ABAT: variants seen among roughly 807,000 people sequenced by gnomAD.
ABAT encodes the protein 4-aminobutyrate aminotransferase, mitochondrial.
A neutral mutation model predicts 64.6 loss-of-function variants in ABAT; 45 were observed. The observed-to-expected ratio is 0.70, with a 90% confidence interval of 0.55 to 0.89. The LOEUF (loss-of-function observed/expected upper bound fraction) is 0.89, where lower values mean the gene tolerates loss of function less well. Among genes scored for constraint, ABAT ranks in the 40% least tolerant of loss-of-function variants. The pLI, the probability that ABAT is intolerant of heterozygous loss-of-function variation, is 0.00. For missense variants in ABAT, 633 were observed against 658.4 expected, an observed-to-expected ratio of 0.96 and a Z score of 0.42; for synonymous variants, 297 against 250.5, an observed-to-expected ratio of 1.19 and a Z score of -1.75.
intron 13 of ABAT, among the ~76,000 whole-genome samples, 195 bp downstream of exon 13, chr16:8,775,252 C>T (rs922652993): frequency 1.2e-4 from 17 of 142,010 alleles, no homozygotes; most frequent in African/African-American, 4.4e-4. Context: ...AACTCTGGAA[C>T]AGTCCACCAT....
intron 6 of ABAT, among the ~76,000 whole-genome samples, chr16:8,763,185 T>C (rs1293769469): frequency 6.6e-6 from 1 of 151,190 alleles, no homozygotes; most frequent in Admixed American, 6.6e-5. Flanking sequence ...GGGCAGAGGC[T>C]ACCTGGAGTA....
chr16:8,674,707 T>A lies in ABAT; in HGVS notation c.-46T>A, dbSNP rs1413214148. The stretch of plus-strand genomic sequence containing the variant: ...GATCCCGCAGATCGGAGACGGGGCC[T>A]GGAGGTGAGCGCGAGGCGCCGGGTG... On this transcript the variant is annotated 5_prime_UTR_variant, in exon 1 of 16. Transcript: ENST00000268251. 1 of 152,320 alleles carries A rather than the reference T, an allele frequency of 6.6e-6. No individual in the cohort carries two copies. The highest frequency in any genetic ancestry group is 1.5e-5 in the Non-Finnish European group (1 of 68,142). The allele number at this position is 152,320 out of a possible 1,614,324, so 9.4% of individuals were successfully genotyped here. A position where few individuals can be genotyped will look rare whatever the true frequency, so the allele number is the denominator to read the frequency against.
chr16:8,738,483 C>T, intron 2 of ABAT: 1 of 455,848 alleles, frequency 2.2e-6, no homozygotes, highest in South Asian at 1.5e-5. Context: ...TTTGTCTCAT[C>T]TTCCATGGCC....
At chr16:8,681,467 T>G (rs535225232) in intron 1 of ABAT, among the ~76,000 whole-genome samples, 24 of 151,042 alleles carry the variant, frequency 1.6e-4, no homozygotes, top group Non-Finnish European at 8.9e-5. Context: ...ACTTTTTTTT[T>G]TTTTTTTGAG....
intron 1 of ABAT, among the ~76,000 whole-genome samples, chr16:8,722,386 C>A (rs1210094794): frequency 6.6e-6 from 1 of 152,184 alleles, no homozygotes; most frequent in Admixed American, 6.5e-5. Context: ...CTCAGCTGAT[C>A]CATCTGCCTC....
intron 1 of ABAT, among the ~76,000 whole-genome samples, chr16:8,688,715 AGT>A (rs1407376583): frequency 6.6e-6 from 1 of 152,148 alleles, no homozygotes; most frequent in East Asian, 1.9e-4. Context: ...AGCCTCCTGA[AGT>A]GCCGGGATTA....
chr16:8,714,109 G>A (rs1165858315), intron 1 of ABAT, among the ~76,000 whole-genome samples: 1 of 152,190 alleles, frequency 6.6e-6, no homozygotes, highest in Non-Finnish European at 1.5e-5. Flanking sequence ...AACACAGCAG[G>A]AGGAGACCCT....
chr16:8,757,700 G>A, intron 5 of ABAT, 57 bp from the exon 6 acceptor site: 2 of 1,538,062 alleles, frequency 1.3e-6, no homozygotes, highest in Non-Finnish European at 9.0e-7. Flanking sequence ...GAGGTGGGAG[G>A]GGCATGGGGA....
chr16:8,701,866 G>A (rs537835566), intron 1 of ABAT, among the ~76,000 whole-genome samples: 10 of 151,978 alleles, frequency 6.6e-5, no homozygotes, highest in Non-Finnish European at 1.3e-4. Context: ...CAGGCTCTTG[G>A]GTCAGGCTCA....
At chr16:8,678,160 G>A (rs1265465169) in intron 1 of ABAT, among the ~76,000 whole-genome samples, 1 of 152,206 alleles carries the variant, frequency 6.6e-6, no homozygotes, top group Non-Finnish European at 1.5e-5. Flanking sequence ...TCTAGCTGTG[G>A]AGCCTTCCAA....
intron 1 of ABAT, among the ~76,000 whole-genome samples, chr16:8,708,174 C>A (rs2057990646): frequency 6.7e-6 from 1 of 148,618 alleles, no homozygotes. Context: ...AAGGAGTCTG[C>A]TGGGAGAGAG....
At chr16:8,734,017 AT>A (rs1431690480) in intron 1 of ABAT, among the ~76,000 whole-genome samples, 1 of 151,852 alleles carries the variant, frequency 6.6e-6, no homozygotes, top group Non-Finnish European at 1.5e-5. Flanking sequence ...GATACAGCAT[AT>A]TTTTTCCCAT....
At chr16:8,734,529 A>G (rs562954680) in intron 1 of ABAT, among the ~76,000 whole-genome samples, 22 of 152,262 alleles carry the variant, frequency 1.4e-4, no homozygotes, top group Non-Finnish European at 2.9e-4. Context: ...CTGTGCCTCA[A>G]TTTCCTCCTC....
intron 1 of ABAT, among the ~76,000 whole-genome samples, chr16:8,707,802 T>C (rs1430576687): frequency 6.6e-6 from 1 of 151,978 alleles, no homozygotes; most frequent in Admixed American, 6.6e-5. Context: ...ACTCCTCAGC[T>C]CAAGCAAACC....
intron 9 of ABAT, among the ~76,000 whole-genome samples, chr16:8,767,535 G>C (rs1023462190): frequency 6.6e-6 from 1 of 152,232 alleles, no homozygotes; most frequent in African/African-American, 2.4e-5. Flanking sequence ...AAACCCAGGA[G>C]TCCCCAGCAG....
intron 2 of ABAT, among the ~76,000 whole-genome samples, chr16:8,743,423 T>TTATATATATATATA (rs1182574273): frequency 0.033 from 1,507 of 45,124 alleles, 32 homozygotes; most frequent in Middle Eastern, 0.048. Flanking sequence ...ATGGAAACAG[T>TTATATATATATATA]TATATATATA....
chr16:8,716,431 G>A (rs2058218120), intron 1 of ABAT, among the ~76,000 whole-genome samples: 1 of 152,132 alleles, frequency 6.6e-6, no homozygotes, highest in South Asian at 2.1e-4. Context: ...GCTGCTAATT[G>A]TATTTGTTGC....
chr16:8,778,965 C>G (rs117204884), intron 14 of ABAT, among the ~76,000 whole-genome samples: 7,035 of 152,202 alleles, frequency 0.046, 246 homozygotes, highest in Middle Eastern at 0.12. Flanking sequence ...CAGTACAGCT[C>G]CCAGTCTCAA....
chr16:8,687,582 G>A (rs116274354), intron 1 of ABAT, among the ~76,000 whole-genome samples: 3,629 of 152,308 alleles, frequency 0.024, 142 homozygotes, highest in African/African-American at 0.083. Flanking sequence ...TGTTTGGACT[G>A]AGCAGTCCTT....
Sources: gnomAD v4.1 joint callset for allele counts (sites outside exome capture counted in the v4.1 genomes callset) on GRCh38, gnomAD v4.1.1 for gene constraint, MANE v1.5 for transcripts, NCBI Gene and HGNC (gene_info 2026-07-23, HGNC 2026-07-21) for gene names.